The following HERC3 variants were observed in gnomAD, a reference collection of about 807,000 sequenced individuals.
HERC3 encodes the protein probable E3 ubiquitin-protein ligase HERC3.
In HERC3, 58 loss-of-function variants were observed where a neutral mutation model predicts 129.9. That is an observed-to-expected ratio of 0.45 (90% confidence interval 0.36 to 0.56). The LOEUF (loss-of-function observed/expected upper bound fraction) is 0.56, where lower values mean the gene tolerates loss of function less well. Ranked by LOEUF, HERC3 falls within the 20% of genes least tolerant of loss-of-function variation. HERC3 has a pLI of 0.00. For missense variants in HERC3, 835 were observed against 1,244.2 expected (o/e 0.67, Z 4.95); for synonymous variants, 430 against 451.0 (o/e 0.95, Z 0.59).
chr4:88,652,012 G>T lies in HERC3; in HGVS notation c.387G>T (p.Arg129Ser). ...MTTEDSVAVP[R>S]LIQKLNQQTI... ...AAAAAGAAAGCCTTTTCTGTTTTAG[G>T]TTAATACAAAAGCTGAACCAGCAAA... The change falls in exon 5 of 26, where the codon AGG (arginine) becomes AGT (serine). Residue 129 changes from arginine (R) to serine (S), a missense_variant and splice_region_variant. Coordinates refer to ENST00000402738, the MANE Select transcript of HERC3 (RefSeq NM_014606.3). 6.2e-7 allele frequency: 1 copy of T among 1,609,696 alleles called. No individual in the cohort carries two copies. Among genetic ancestry groups the T allele is most frequent in the Non-Finnish European group, 8.5e-7 (1 of 1,176,166 alleles).
intron 3 of HERC3, among the ~76,000 whole-genome samples, chr4:88,610,285 T>G (rs971011490): frequency 6.6e-6 from 1 of 152,064 alleles, no homozygotes; most frequent in Non-Finnish European, 1.5e-5. Flanking sequence ...AAACCCCATC[T>G]GTACTAAAAA....
the HERC3 span, among the ~76,000 whole-genome samples, chr4:88,548,582 G>T: frequency 6.6e-6 from 1 of 151,558 alleles, no homozygotes; most frequent in South Asian, 2.1e-4. Context: ...AGTTATTATT[G>T]AGTTCTATAT....
At chr4:88,594,523 C>T (rs1722125103) in intron 1 of HERC3, among the ~76,000 whole-genome samples, 1 of 152,098 alleles carries the variant, frequency 6.6e-6, no homozygotes, top group African/African-American at 2.4e-5. Flanking sequence ...GCCACCTTAC[C>T]CTCCAAAGTA....
the HERC3 span, among the ~76,000 whole-genome samples, chr4:88,551,885 A>C: frequency 3.3e-5 from 5 of 152,346 alleles, no homozygotes; most frequent in East Asian, 9.6e-4. Flanking sequence ...GAACAAACCC[A>C]AATGTCCAAC....
rs753213142 is a variant in HERC3, at chr4:88,654,074, C to T, written c.718C>T (p.Arg240Cys). 11 of 1,612,662 alleles carry T rather than the reference C, an allele frequency of 6.8e-6. No homozygotes were observed. Among genetic ancestry groups the T allele is most frequent in the Admixed American group, 6.7e-5 (4 of 59,970 alleles). The change falls in exon 7 of 26, where the codon CGC becomes TGC. Residue 240 changes from arginine to cysteine, a missense_variant. Transcript: ENST00000402738. ...ATCTCCATGCCATGTAAAACTCTTA[C>T]GCACGCAAAAAGTTGTCTATATTAG... ...RESPCHVKLL[R>C]TQKVVYISCG...
the HERC3 span, among the ~76,000 whole-genome samples, chr4:88,560,041 C>T: frequency 6.6e-6 from 1 of 151,036 alleles, no homozygotes; most frequent in African/African-American, 2.4e-5. Context: ...CTCACTGCAA[C>T]CTCCACCTCC....
At chr4:88,697,681 T>TCCTCTGCCGCTG (rs762048249) in intron 23 of HERC3, 58 of 1,611,974 alleles carry the variant, frequency 3.6e-5, no homozygotes, top group Non-Finnish European at 4.5e-5. Context: ...CGCCATTACC[T>TCCTCTGCCGCTG]CCTCTGCCGC....
the HERC3 span, among the ~76,000 whole-genome samples, chr4:88,568,233 A>G: frequency 1.3e-5 from 2 of 152,252 alleles, no homozygotes; most frequent in Non-Finnish European, 2.9e-5. Context: ...ACCTGAAGCC[A>G]GCACAGCACT....
chr4:88,633,721 T>G (rs1321092474), intron 3 of HERC3, among the ~76,000 whole-genome samples: 3 of 150,084 alleles, frequency 2.0e-5, no homozygotes, highest in Non-Finnish European at 4.4e-5. Flanking sequence ...CCCAAATAGA[T>G]TATCCTATTA....
Position 88,651,897 on chromosome 4 carries a change from CTT to C in HERC3, c.387-112_387-111del, listed in dbSNP as rs1484333068. The C allele has an allele frequency of 1.2e-5, 10 of 832,422 alleles. No individual in the cohort carries two copies. In the East Asian group the frequency reaches 1.7e-4, roughly 14 times the overall value. 51.6% of individuals were successfully genotyped at this position (832,422 alleles called of 1,614,324 possible). On this transcript the variant is annotated intron_variant, in intron 4 of 25. Coordinates refer to ENST00000402738, the MANE Select transcript of HERC3 (RefSeq NM_014606.3). ...ACCACTGTGCCTGGCCTTAAAAAGACTTTTAGGCAAGATGGTGTTATTTATTA... is the reference window on the plus strand; with the variant it reads ...ACCACTGTGCCTGGCCTTAAAAAGACTTAGGCAAGATGGTGTTATTTATTA...
At chr4:88,531,218 T>TA in the HERC3 span, among the ~76,000 whole-genome samples, 1 of 151,544 alleles carries the variant, frequency 6.6e-6, no homozygotes, top group East Asian at 1.9e-4. Flanking sequence ...TAAAATTTTT[T>TA]AATTTAAATT....
At chr4:88,656,930 A>G (rs958064199) in intron 9 of HERC3, 7 of 152,184 alleles carry the variant, frequency 4.6e-5, no homozygotes, top group Non-Finnish European at 8.8e-5. Context: ...CATGTGTACT[A>G]TGTTACCTCT....
At chr4:88,525,190 A>G in the HERC3 span, among the ~76,000 whole-genome samples, 1 of 152,208 alleles carries the variant, frequency 6.6e-6, no homozygotes, top group African/African-American at 2.4e-5. Flanking sequence ...TCCCTCACAA[A>G]GCAATCTTTC....
chr4:88,602,773 C>A (rs1208586622), intron 2 of HERC3, among the ~76,000 whole-genome samples: 1 of 152,148 alleles, frequency 6.6e-6, no homozygotes, highest in African/African-American at 2.4e-5. Context: ...AGCCACTGTG[C>A]CTGGTCACTG....
intron 18 of HERC3, among the ~76,000 whole-genome samples, chr4:88,676,961 A>G (rs1022883478): frequency 6.6e-6 from 1 of 152,074 alleles, no homozygotes; most frequent in Non-Finnish European, 1.5e-5. Context: ...CCAACGTGGT[A>G]AAACCCTGTC....
chr4:88,648,980 T>C (rs1728986342), intron 3 of HERC3, among the ~76,000 whole-genome samples: 1 of 152,164 alleles, frequency 6.6e-6, no homozygotes, highest in African/African-American at 2.4e-5. Context: ...AATAATACTT[T>C]CCTATAGCAC....
chr4:88,592,458 C>T (rs1275545498), upstream of HERC3: 2 of 152,334 alleles, frequency 1.3e-5, no homozygotes, highest in African/African-American at 2.4e-5. Context: ...TTCCGCCGCC[C>T]GCAGGCTTGC....
At chr4:88,548,235 C>T in the HERC3 span, among the ~76,000 whole-genome samples, 1 of 152,116 alleles carries the variant, frequency 6.6e-6, no homozygotes, top group East Asian at 1.9e-4. Context: ...GAATTGGTGG[C>T]CATATAACTC....
the HERC3 span, among the ~76,000 whole-genome samples, chr4:88,546,433 T>C: frequency 1.3e-5 from 2 of 152,140 alleles, no homozygotes; most frequent in Non-Finnish European, 2.9e-5. Context: ...GACTACCAAA[T>C]CTGGTAGTGT....
Sources: allele counts gnomAD v4.1 joint callset (sites outside exome capture counted in the v4.1 genomes callset), GRCh38; gene constraint gnomAD v4.1.1; transcripts MANE v1.5; gene names NCBI Gene and HGNC (gene_info 2026-07-23, HGNC 2026-07-21).